BIN2: variants seen among roughly 807,000 people sequenced by gnomAD.
The protein encoded by BIN2 is breast cancer associated protein BRAP1.
BIN2 carries 43 observed loss-of-function variants against 67.9 expected under a neutral mutation model. That is an observed-to-expected ratio of 0.63 (90% CI 0.50 to 0.82). BIN2 has a LOEUF of 0.82. Among genes scored for constraint, BIN2 ranks in the 40% least tolerant of loss-of-function variants. The pLI, the probability that BIN2 is intolerant of heterozygous loss-of-function variation, is 0.00. For missense variants in BIN2, 581 were observed against 671.6 expected (o/e 0.87, Z 1.49); for synonymous variants, 244 against 246.8 (o/e 0.99, Z 0.11).
At chr12:51,299,848 G>GC in intron 5 of BIN2, 134 bp from the exon 6 acceptor site, 1 of 711,878 alleles carries the variant, frequency 1.4e-6, no homozygotes. Context: ...TTTTGCTTTT[G>GC]TTTTTTTTGA....
At chr12:51,323,884 G>T in intron 1 of BIN2, 138 bp downstream of exon 1, 1 of 1,055,006 alleles carries the variant, frequency 9.5e-7, no homozygotes, top group Non-Finnish European at 1.3e-6. Context: ...CGTTTCCCTG[G>T]GAGAGCGGGA....
intron 8 of BIN2, 142 bp downstream of exon 8, chr12:51,296,947 A>G (rs777669715): frequency 2.9e-6 from 2 of 679,768 alleles, no homozygotes; most frequent in Non-Finnish European, 5.1e-6. Context: ...GTACACAATC[A>G]AGTGCTCTTA....
intron 2 of BIN2, among the ~76,000 whole-genome samples, chr12:51,303,638 GCTT>G (rs796859220): frequency 1.2e-3 from 182 of 152,122 alleles, no homozygotes; most frequent in African/African-American, 4.2e-3. Flanking sequence ...CCTCATCATT[GCTT>G]CTCCTGTTCC....
intron 2 of BIN2, among the ~76,000 whole-genome samples, chr12:51,311,683 G>A (rs1055371075): frequency 7.2e-5 from 11 of 152,098 alleles, no homozygotes; most frequent in Admixed American, 5.9e-4. Flanking sequence ...GCCTGGCCAA[G>A]TAAATGTTGT....
At chr12:51,305,187 T>G (rs574799060) in intron 2 of BIN2, among the ~76,000 whole-genome samples, 180 of 150,582 alleles carry the variant, frequency 1.2e-3, no homozygotes, top group African/African-American at 4.2e-3. Context: ...ATATAAAAAA[T>G]TAGCAGGGTG....
chr12:51,292,309 A>C lies in BIN2; in HGVS notation c.797T>G (p.Val266Gly). 6.3e-7 allele frequency: 1 copy of C among 1,595,652 alleles called. No individual in the cohort carries two copies. Residue 266 changes from valine to glycine, a missense_variant, in exon 10 of 13, where the codon GTT becomes GGT. Val to Gly is a moderately radical substitution (Grantham distance 109). Transcript: ENST00000615107. ...SRRSLVISPP[V>G]RTATVSSPLT... ...AGGACTGGAGACTGTAGCTGTTCGA[A>C]CTGGGGGAGAAATGACTAAAGAGCG...
At position 51,303,112 on chromosome 12, in the gene BIN2, C is replaced by T. The variant is rs757407557; in HGVS notation, c.192G>A (p.Leu64=). 2.5e-5 allele frequency: 41 copies of T among 1,614,074 alleles called. No homozygotes were observed. The highest frequency in any genetic ancestry group is 3.4e-5 in the Non-Finnish European group (40 of 1,180,018). The change falls in exon 3 of 13, where the codon CTG becomes CTA. Residue 64 remains leucine (L), a synonymous_variant. Coordinates refer to ENST00000615107, the MANE Select transcript of BIN2 (RefSeq NM_016293.4). ...QAEGHKLYKD[L]KNFLSAVKVM... ...CTTTGACTGCACTAAGGAAGTTCTT[C>T]AGGTCCTTGTACAGCTTGTGGCCTT...
chr12:51,316,567 C>T (rs1029655563), intron 1 of BIN2, among the ~76,000 whole-genome samples: 1 of 152,096 alleles, frequency 6.6e-6, no homozygotes, highest in Non-Finnish European at 1.5e-5. Flanking sequence ...ATGCAGGTCC[C>T]AAGGCTACAT....
At chr12:51,320,052 C>T (rs1017466101) in intron 1 of BIN2, among the ~76,000 whole-genome samples, 1 of 152,074 alleles carries the variant, frequency 6.6e-6, no homozygotes, top group Non-Finnish European at 1.5e-5. Flanking sequence ...GTGGCACAAT[C>T]TCAGCTCACT....
chr12:51,282,749 G>A (rs1407266886), intron 12 of BIN2, among the ~76,000 whole-genome samples: 1 of 151,824 alleles, frequency 6.6e-6, no homozygotes, highest in African/African-American at 2.4e-5. Flanking sequence ...GATTACGGGT[G>A]CGTGCCACCA....
intron 2 of BIN2, among the ~76,000 whole-genome samples, chr12:51,307,774 T>C (rs114605499): frequency 0.014 from 2,095 of 152,130 alleles, 36 homozygotes; most frequent in African/African-American, 0.047. Flanking sequence ...TTCCCATTAG[T>C]TATCATATAA....
At chr12:51,320,615 T>G (rs1282665102) in intron 1 of BIN2, among the ~76,000 whole-genome samples, 1 of 147,342 alleles carries the variant, frequency 6.8e-6, no homozygotes, top group Admixed American at 6.9e-5. Context: ...CTCAGGTCAG[T>G]TATTTTATTA....
intron 7 of BIN2, 73 bp downstream of exon 7, chr12:51,299,130 A>G (rs1052698407): frequency 1.8e-5 from 20 of 1,088,278 alleles, no homozygotes; most frequent in Non-Finnish European, 2.8e-5. Context: ...AAACACTTTT[A>G]TCTACTTACT....
intron 9 of BIN2, among the ~76,000 whole-genome samples, chr12:51,295,227 G>A (rs893075906): frequency 1.6e-5 from 2 of 127,698 alleles, no homozygotes; most frequent in African/African-American, 5.3e-5. Flanking sequence ...TTATAGGCAT[G>A]AGCCACCATT....
chr12:51,315,099 T>C (rs61605107), intron 1 of BIN2, among the ~76,000 whole-genome samples: 19,818 of 152,088 alleles, frequency 0.13, 1,429 homozygotes, highest in East Asian at 0.24. Flanking sequence ...AGTGATCCTG[T>C]TGCCTCAGCC....
chr12:51,291,426 T>C (rs1945376647), intron 10 of BIN2, among the ~76,000 whole-genome samples, 165 bp downstream of exon 10: 1 of 152,066 alleles, frequency 6.6e-6, no homozygotes, highest in Non-Finnish European at 1.5e-5. Context: ...CTGGGCAACA[T>C]AAGGAGACCC....
chr12:51,313,704 AG>A, intron 2 of BIN2, 118 bp downstream of exon 2: 1 of 897,098 alleles, frequency 1.1e-6, no homozygotes, highest in South Asian at 1.4e-5. Context: ...CCTTAACCCT[AG>A]GGGGAGGGTG....
intron 5 of BIN2, among the ~76,000 whole-genome samples, chr12:51,301,414 G>A (rs1945720060): frequency 6.6e-6 from 1 of 152,012 alleles, no homozygotes; most frequent in African/African-American, 2.4e-5. Context: ...AACATCTTTA[G>A]TGCCATCAGC....
chr12:51,316,791 A>G (rs1946146531), intron 1 of BIN2, among the ~76,000 whole-genome samples: 1 of 152,062 alleles, frequency 6.6e-6, no homozygotes, highest in South Asian at 2.1e-4. Flanking sequence ...CATCCCATTG[A>G]TCGATTATTC....
Sources: gnomAD v4.1 joint callset for allele counts (sites outside exome capture counted in the v4.1 genomes callset) on GRCh38, gnomAD v4.1.1 for gene constraint, MANE v1.5 for transcripts, NCBI Gene and HGNC (gene_info 2026-07-23, HGNC 2026-07-21) for gene names.